IL1RAPL1: variants seen among roughly 807,000 people sequenced by gnomAD.
IL1RAPL1 encodes interleukin 1 receptor accessory protein like 1.
Under a neutral mutation model 48.4 loss-of-function variants are expected in IL1RAPL1, and 3 were observed. The ratio of observed to expected loss-of-function variants is 0.06; its 90% CI spans 0.03 to 0.16. The LOEUF (loss-of-function observed/expected upper bound fraction) is 0.16, where lower values mean the gene tolerates loss of function less well. Ranked by LOEUF, IL1RAPL1 falls within the 10% of genes least tolerant of loss-of-function variation. The pLI, the probability that IL1RAPL1 is intolerant of heterozygous loss-of-function variation, is 1.00. For missense variants in IL1RAPL1, 349 were observed against 530.6 expected (o/e 0.66, Z 3.36); for synonymous variants, 185 against 187.7 (o/e 0.99, Z 0.12).
At chrX:29,226,330 T>A (rs1278568307) in intron 2 of IL1RAPL1, among the ~76,000 whole-genome samples, 1 of 111,584 alleles carries the variant, frequency 9.0e-6, no homozygotes, top group Non-Finnish European at 1.9e-5. Flanking sequence ...ATGTTTAACT[T>A]ATTTCACTAT....
intron 5 of IL1RAPL1, among the ~76,000 whole-genome samples, chrX:29,598,111 A>T (rs1923609525): frequency 9.0e-6 from 1 of 111,179 alleles, no homozygotes; most frequent in African/African-American, 3.3e-5. Flanking sequence ...TTGAGGTGTG[A>T]CCTTAGATTG....
intron 3 of IL1RAPL1, among the ~76,000 whole-genome samples, chrX:29,329,899 A>G (rs1932870862): frequency 9.0e-6 from 1 of 111,192 alleles, no homozygotes; most frequent in Non-Finnish European, 1.9e-5. Context: ...GAAGGCAGCT[A>G]TTATTAAAAG....
At chrX:28,704,770 G>A (rs776900086) in intron 1 of IL1RAPL1, among the ~76,000 whole-genome samples, 1 of 87,602 alleles carries the variant, frequency 1.1e-5, no homozygotes, top group Admixed American at 1.4e-4. Flanking sequence ...AGTCTCTCTG[G>A]CAGCGGCAAG....
chrX:29,853,721 T>C (rs1009231296), intron 6 of IL1RAPL1, among the ~76,000 whole-genome samples: 1 of 112,013 alleles, frequency 8.9e-6, no homozygotes, highest in Admixed American at 9.5e-5. Flanking sequence ...GTTCCATATA[T>C]AACCATCTAT....
At chrX:29,549,456 C>T (rs7877550) in intron 5 of IL1RAPL1, among the ~76,000 whole-genome samples, 45,770 of 109,957 alleles carry the variant, frequency 0.42, 7,085 homozygotes, top group East Asian at 0.57. Context: ...TATTAGTTAT[C>T]GTTGTTAATA....
intron 9 of IL1RAPL1, among the ~76,000 whole-genome samples, chrX:29,947,808 T>C (rs191090024): frequency 9.5e-6 from 1 of 105,405 alleles, no homozygotes; most frequent in Non-Finnish European, 2.0e-5. Context: ...ACCATTTACA[T>C]ACACAGGAAT....
At chrX:29,068,272 T>C (rs1035586016) in intron 2 of IL1RAPL1, among the ~76,000 whole-genome samples, 2 of 112,495 alleles carry the variant, frequency 1.8e-5, no homozygotes, top group African/African-American at 3.2e-5. Flanking sequence ...CTATGCTTTT[T>C]TTCTATTTGG....
rs761913301 is a variant in IL1RAPL1, at chrX:29,399,318, G to T, written c.703+10G>T. The stretch of plus-strand genomic sequence containing the variant: ...GAATTAACTGTTACAGGTAATCACA[G>T]TCTTCAATATTTCACTTGCAAGTGA... On this transcript the variant is annotated intron_variant, in intron 5 of 10. Transcript: ENST00000378993. The T allele has an allele frequency of 6.8e-6, 8 of 1,183,867 alleles. No homozygotes were observed. The East Asian group carries it at 2.4e-4, about 35-fold the overall frequency.
chrX:29,799,794 A>T (rs1304876703), intron 6 of IL1RAPL1, among the ~76,000 whole-genome samples: 1 of 111,710 alleles, frequency 9.0e-6, no homozygotes, highest in Non-Finnish European at 1.9e-5. Context: ...ATACATTTTT[A>T]AAAAGCATTG....
chrX:29,668,596 G>A (rs905293645), intron 6 of IL1RAPL1, 92 bp downstream of exon 6: 3 of 654,526 alleles, frequency 4.6e-6, no homozygotes, highest in Non-Finnish European at 7.4e-6. Context: ...AATACTCGCA[G>A]CTAAATCCAT....
chrX:29,744,420 C>T (rs1477502192), intron 6 of IL1RAPL1, among the ~76,000 whole-genome samples: 1 of 112,218 alleles, frequency 8.9e-6, no homozygotes, highest in African/African-American at 3.2e-5. Context: ...ACCTCTAAGC[C>T]TTTGTCCCTA....
chrX:29,638,187 T>A (rs1442764732), intron 5 of IL1RAPL1, among the ~76,000 whole-genome samples: 3 of 111,433 alleles, frequency 2.7e-5, no homozygotes, highest in Non-Finnish European at 5.7e-5. Flanking sequence ...ACGGTGACAT[T>A]TTTCTTGGTT....
intron 2 of IL1RAPL1, among the ~76,000 whole-genome samples, chrX:29,073,521 C>T (rs1927609897): frequency 9.0e-6 from 1 of 111,487 alleles, no homozygotes; most frequent in African/African-American, 3.3e-5. Flanking sequence ...AGTCCTAAGA[C>T]TCTTTTCTTC....
chrX:28,876,506 A>G (rs1179571469), intron 2 of IL1RAPL1, among the ~76,000 whole-genome samples: 9 of 111,557 alleles, frequency 8.1e-5, no homozygotes, highest in Admixed American at 4.8e-4. Context: ...GCAAAGGTCC[A>G]GGCATCCCAT....
intron 2 of IL1RAPL1, among the ~76,000 whole-genome samples, chrX:29,209,686 A>G (rs1930733936): frequency 2.7e-5 from 3 of 112,269 alleles, no homozygotes; most frequent in African/African-American, 9.7e-5. Flanking sequence ...ACCATTACCA[A>G]TAGCACTGTA....
At chrX:29,634,637 T>C (rs1924906378) in intron 5 of IL1RAPL1, among the ~76,000 whole-genome samples, 1 of 111,199 alleles carries the variant, frequency 9.0e-6, no homozygotes, top group Non-Finnish European at 1.9e-5. Context: ...GTGATGGTGG[T>C]GGTGGCAGGG....
chrX:28,648,287 C>T (rs1278713503), intron 1 of IL1RAPL1, among the ~76,000 whole-genome samples: 5 of 111,724 alleles, frequency 4.5e-5, no homozygotes, highest in Non-Finnish European at 7.5e-5. Context: ...CCTACCTATA[C>T]AAAATTATGG....
intron 5 of IL1RAPL1, among the ~76,000 whole-genome samples, chrX:29,584,214 A>G (rs1351700361): frequency 9.0e-6 from 1 of 111,344 alleles, no homozygotes; most frequent in Non-Finnish European, 1.9e-5. Flanking sequence ...TTATGGTACT[A>G]TATTTCCAAA....
At chrX:28,874,430 A>C (rs1353673022) in intron 2 of IL1RAPL1, among the ~76,000 whole-genome samples, 1 of 112,230 alleles carries the variant, frequency 8.9e-6, no homozygotes, top group Non-Finnish European at 1.9e-5. Flanking sequence ...TACAACCTTC[A>C]TGGCTATCAT....
Sources: allele counts gnomAD v4.1 joint callset (sites outside exome capture counted in the v4.1 genomes callset), GRCh38; gene constraint gnomAD v4.1.1; transcripts MANE v1.5; gene names NCBI Gene and HGNC (gene_info 2026-07-23, HGNC 2026-07-21).